IL23R: variants seen among roughly 807,000 people sequenced by gnomAD.
IL23R encodes the protein interleukin 23 receptor.
IL23R carries 34 observed loss-of-function variants against 56.9 expected under a neutral mutation model. That is an observed-to-expected ratio of 0.60 (90% CI 0.45 to 0.80). The LOEUF is 0.80. Ranked by LOEUF, IL23R falls within the 30% of genes least tolerant of loss-of-function variation. The probability of loss-of-function intolerance (pLI) is 0.00; values close to 1 mark genes in which losing one functional copy is unlikely to be tolerated. For synonymous variants in IL23R, 230 were observed against 249.2 expected (o/e 0.92, Z 0.73); for missense variants, 635 against 730.0 (o/e 0.87, Z 1.50).
chr1:67,187,037 A>T (rs1002060301), intron 4 of IL23R, among the ~76,000 whole-genome samples: 1 of 152,046 alleles, frequency 6.6e-6, no homozygotes, highest in Non-Finnish European at 1.5e-5. Context: ...TTATTCTTCT[A>T]TTAATATTTG....
At chr1:67,219,335 T>C (rs911124750) in intron 6 of IL23R, among the ~76,000 whole-genome samples, 1 of 152,108 alleles carries the variant, frequency 6.6e-6, no homozygotes, top group Non-Finnish European at 1.5e-5. Flanking sequence ...GCCACCGCAC[T>C]CCAGCCTGGG....
downstream of IL23R, among the ~76,000 whole-genome samples, chr1:67,264,907 A>G (rs981372617): frequency 6.6e-6 from 1 of 152,220 alleles, no homozygotes; most frequent in African/African-American, 2.4e-5. Context: ...TGTCTGGGGT[A>G]GTAAAAGTAT....
At chr1:67,255,816 C>T (rs187831931) in intron 9 of IL23R, 21 bp from the exon 10 acceptor site, 164 of 1,159,234 alleles carry the variant, frequency 1.4e-4, no homozygotes, top group Admixed American at 5.2e-4. Flanking sequence ...CTTCTTCTAA[C>T]GTGTCATTTT....
chr1:67,163,465 T>C (rs1475716955), upstream of IL23R, among the ~76,000 whole-genome samples: 1 of 42,092 alleles, frequency 2.4e-5, no homozygotes, highest in African/African-American at 1.3e-4. Context: ...CAAGACCCTG[T>C]CTCAAAAAAA....
intron 2 of IL23R, 80 bp downstream of exon 2, chr1:67,168,270 G>T: frequency 9.5e-7 from 1 of 1,051,938 alleles, no homozygotes. Flanking sequence ...ATGGTTTTAT[G>T]TTAGAATCTC....
intron 1 of IL23R, among the ~76,000 whole-genome samples, chr1:67,156,872 C>A (rs1244210532): frequency 6.6e-6 from 1 of 152,164 alleles, no homozygotes; most frequent in Non-Finnish European, 1.5e-5. Flanking sequence ...GAACAAACTC[C>A]TGCAGCTCAG....
chr1:67,249,759 C>A (rs1652493735), intron 9 of IL23R, among the ~76,000 whole-genome samples: 1 of 152,018 alleles, frequency 6.6e-6, no homozygotes, highest in African/African-American at 2.4e-5. Flanking sequence ...GCTGAAATTT[C>A]ATTTTGGGAA....
chr1:67,261,065 C>T (rs1189361473), downstream of IL23R, among the ~76,000 whole-genome samples: 1 of 149,482 alleles, frequency 6.7e-6, no homozygotes, highest in Non-Finnish European at 1.5e-5. Flanking sequence ...AGCAAATGAG[C>T]AGGCTATTTT....
rs144123791 is a variant in IL23R, at chr1:67,233,380, G to A, written c.956-3333G>A. 2.5e-3 allele frequency among the ~76,000 whole-genome samples: 376 copies of A among 151,446 alleles called. 1 individual carries two copies. Among genetic ancestry groups the A allele is most frequent in the African/African-American group, 8.5e-3 (350 of 41,314 alleles). Reference sequence around the variant, plus strand: ...GATTCTGTCTTAAAAAAAAAAATCCGGTTTTGATTATGTCTTCATAGCAGT... The same window carrying A: ...GATTCTGTCTTAAAAAAAAAAATCCAGTTTTGATTATGTCTTCATAGCAGT... On this transcript the variant is annotated intron_variant, in intron 7 of 10. Transcript: ENST00000347310.
At chr1:67,200,425 A>T (rs1301350375) in intron 4 of IL23R, among the ~76,000 whole-genome samples, 6 of 146,042 alleles carry the variant, frequency 4.1e-5, no homozygotes, top group African/African-American at 1.3e-4. Flanking sequence ...ACAGAGTCTC[A>T]CTCTGTTGCC....
intron 10 of IL23R, among the ~76,000 whole-genome samples, chr1:67,256,754 G>C (rs1652974739): frequency 6.6e-6 from 1 of 152,182 alleles, no homozygotes; most frequent in South Asian, 2.1e-4. Context: ...CTGCATGTTG[G>C]GTAAGAAGAT....
Position 67,200,723 on chromosome 1 carries a change from T to A in IL23R, c.492-14T>A. On this transcript the variant is annotated splice_polypyrimidine_tract_variant and intron_variant, in intron 4 of 10. Transcript: ENST00000347310. ...TAAATACAATTTATGATCATCTTTT[T>A]TTTTTGTTTTAAGTTTAGAGACAGA... is the stretch of plus-strand genomic sequence containing the variant. 1 of 1,611,670 alleles carries A rather than the reference T, an allele frequency of 6.2e-7. No homozygotes were observed. The highest frequency in any genetic ancestry group is 1.1e-5 in the South Asian group (1 of 91,030).
chr1:67,144,907 A>G (rs1646666591), intron 1 of IL23R, among the ~76,000 whole-genome samples: 1 of 152,168 alleles, frequency 6.6e-6, no homozygotes, highest in East Asian at 1.9e-4. Context: ...TGTGATTGCT[A>G]CCAAACATCT....
chr1:67,218,350 G>A (rs562785679), intron 6 of IL23R, among the ~76,000 whole-genome samples: 3,710 of 137,056 alleles, frequency 0.027, 193 homozygotes, highest in African/African-American at 0.1. Flanking sequence ...GTGTGTGTGT[G>A]TGTGTGTGTA....
intron 4 of IL23R, among the ~76,000 whole-genome samples, chr1:67,195,389 G>A (rs562283006): frequency 6.6e-6 from 1 of 152,306 alleles, no homozygotes; most frequent in African/African-American, 2.4e-5. Flanking sequence ...TTCATTAGGT[G>A]AGAAGCCATC....
At chr1:67,205,941 CTCT>C (rs1649016460) in intron 5 of IL23R, among the ~76,000 whole-genome samples, 1 of 83,898 alleles carries the variant, frequency 1.2e-5, no homozygotes, top group South Asian at 3.2e-4. Context: ...TTCTTTCTTT[CTCT>C]TTTTTTTTCT....
At chr1:67,142,155 G>A (rs1646644050) in intron 1 of IL23R, among the ~76,000 whole-genome samples, 1 of 152,088 alleles carries the variant, frequency 6.6e-6, no homozygotes, top group African/African-American at 2.4e-5. Flanking sequence ...CTTCCTCAGG[G>A]GGAATTGGTT....
chr1:67,246,287 A>G (rs1477384418), intron 9 of IL23R, among the ~76,000 whole-genome samples: 1 of 152,114 alleles, frequency 6.6e-6, no homozygotes, highest in Non-Finnish European at 1.5e-5. Context: ...ATTTTTTTGA[A>G]GAGTTTTTCA....
rs113865593 is a variant in IL23R, at chr1:67,182,420, T to C, written c.368-416T>C. On this transcript the variant is annotated intron_variant, in intron 3 of 10. Coordinates refer to ENST00000347310, the MANE Select transcript of IL23R (RefSeq NM_144701.3). The stretch of plus-strand genomic sequence containing the variant: ...AGCAATGAGTGAGGCTTGATGGGCA[T>C]AGGACCCTCTGAGCCAGGCATGGGA... 4.0e-3 allele frequency among the ~76,000 whole-genome samples: 615 copies of C among 152,308 alleles called. 8 individuals are homozygous for C. The highest frequency in any genetic ancestry group is 0.014 in the African/African-American group (588 of 41,570).
Sources: allele counts gnomAD v4.1 joint callset (sites outside exome capture counted in the v4.1 genomes callset), GRCh38; gene constraint gnomAD v4.1.1; transcripts MANE v1.5; gene names NCBI Gene and HGNC (gene_info 2026-07-23, HGNC 2026-07-21).